The following TTC17 variants were observed in gnomAD, a reference collection of about 807,000 sequenced individuals.
TTC17 encodes the protein tetratricopeptide repeat domain 17, also known as tetratricopeptide repeat protein 17.
In TTC17, 58 loss-of-function variants were observed where a neutral mutation model predicts 143.8. The observed-to-expected ratio is 0.40, with a 90% CI of 0.33 to 0.50. TTC17 has a LOEUF of 0.50. TTC17 is among the 20% of genes least tolerant of loss of function. TTC17 has a pLI of 0.49. For synonymous variants in TTC17, 501 were observed against 497.8 expected (o/e 1.01, Z -0.09); for missense variants, 1,273 against 1,392.5 (o/e 0.91, Z 1.37).
chr11:43,379,635 T>A (rs143710038), intron 2 of TTC17, among the ~76,000 whole-genome samples: 2 of 152,228 alleles, frequency 1.3e-5, no homozygotes, highest in South Asian at 4.1e-4. Context: ...GAAAATGATA[T>A]AATCTCTGAA....
intron 16 of TTC17, among the ~76,000 whole-genome samples, chr11:43,433,055 C>T (rs769467328): frequency 6.6e-6 from 1 of 152,010 alleles, no homozygotes; most frequent in African/African-American, 2.4e-5. Flanking sequence ...GGCTGGAGTG[C>T]GGTGGCGCAG....
chr11:43,376,339 C>T (rs1278685926), intron 1 of TTC17, among the ~76,000 whole-genome samples: 2 of 152,180 alleles, frequency 1.3e-5, no homozygotes, highest in East Asian at 3.9e-4. Flanking sequence ...TTTCCAGATA[C>T]TTGATCAGGT....
chr11:43,396,972 A>T (rs1448331100), intron 6 of TTC17, 154 bp downstream of exon 6: 1 of 483,998 alleles, frequency 2.1e-6, no homozygotes, highest in East Asian at 3.1e-5. Context: ...AAAAAAAAAA[A>T]ATCACAGATC....
At chr11:43,437,402 C>A (rs1045189719) in intron 16 of TTC17, among the ~76,000 whole-genome samples, 5 of 152,108 alleles carry the variant, frequency 3.3e-5, no homozygotes, top group Non-Finnish European at 5.9e-5. Flanking sequence ...CTCTCTAAAT[C>A]TAGTCTTTTA....
intron 21 of TTC17, among the ~76,000 whole-genome samples, chr11:43,463,337 A>G (rs1196861960): frequency 6.6e-6 from 1 of 152,244 alleles, no homozygotes; most frequent in Non-Finnish European, 1.5e-5. Context: ...TAGCATGGAA[A>G]TGGATATTGA....
In TTC17 at chr11:43,358,966, A is replaced by G. The variant is rs1855974042; in HGVS notation, c.12A>G (p.Ala4=). The G allele has an allele frequency of 1.3e-6, 2 of 1,577,642 alleles. No homozygotes were observed. Among genetic ancestry groups the G allele is most frequent in the Non-Finnish European group, 1.7e-6 (2 of 1,162,752 alleles). Residue 4 remains alanine (A), a synonymous_variant, in exon 1 of 24, where the codon GCA becomes GCG. Transcript: ENST00000039989. ...GCCGGGGGGGCAAGATGGCGGCGGC[A>G]GTAGGGGTTCGTGGCCGGTACGAGC... MAA[A]VGVRGRYELP...
In TTC17 at chr11:43,444,179, G is replaced by A; in HGVS notation, c.2635G>A (p.Gly879Ser). 1 of 1,611,848 alleles carries A rather than the reference G, an allele frequency of 6.2e-7. No homozygotes were observed. The highest frequency in any genetic ancestry group is 1.1e-5 in the South Asian group (1 of 90,448). ...HRYQANLEITGPKVASPGPQG... is the reference protein window; with the variant it reads ...HRYQANLEITSPKVASPGPQG... ...TTACCAAGCAAACCTAGAGATCACT[G>A]GCCCCAAGGTGGCATCTCCTGGGCC... The change falls in exon 18 of 24, where the codon GGC becomes AGC. Residue 879 changes from glycine (G) to serine (S), a missense_variant. Around this residue, in one of 3 missense-constraint regions of TTC17, gnomAD observed 878 missense variants for 899.8 expected, o/e 0.98. Coordinates refer to ENST00000039989, the MANE Select transcript of TTC17 (RefSeq NM_018259.6).
rs1179320252 is a variant in TTC17, at chr11:43,457,475, G to A, written c.3030+6210G>A. 3.3e-5 allele frequency among the ~76,000 whole-genome samples: 5 copies of A among 151,856 alleles called. No individual in the cohort carries two copies. The East Asian group carries it at 9.7e-4, about 29-fold the overall frequency. ...GCAAGAATGTATGGTTGATAATAAGGCAAAGTGCAGACAATAGGAGTAGAT... is the reference window on the plus strand; with the variant it reads ...GCAAGAATGTATGGTTGATAATAAGACAAAGTGCAGACAATAGGAGTAGAT... On this transcript the variant is annotated intron_variant, in intron 21 of 23. Coordinates refer to ENST00000039989, the MANE Select transcript of TTC17 (RefSeq NM_018259.6).
chr11:43,398,845 C>T (rs948731657), intron 8 of TTC17, among the ~76,000 whole-genome samples: 3 of 152,100 alleles, frequency 2.0e-5, no homozygotes, highest in African/African-American at 4.8e-5. Flanking sequence ...GCTTCTTTTC[C>T]AATCTTTTTA....
At chr11:43,374,484 A>T (rs560556249) in intron 1 of TTC17, among the ~76,000 whole-genome samples, 397 of 152,204 alleles carry the variant, frequency 2.6e-3, no homozygotes, top group Non-Finnish European at 3.6e-3. Context: ...GAGTAAACCT[A>T]TAGAATGGGA....
chr11:43,439,528 C>T (rs1038530197), intron 16 of TTC17, among the ~76,000 whole-genome samples: 11 of 147,162 alleles, frequency 7.5e-5, no homozygotes, highest in South Asian at 4.3e-4. Context: ...AGTACAGTGG[C>T]GCAATCTCAG....
intron 21 of TTC17, among the ~76,000 whole-genome samples, chr11:43,479,239 C>CAAAAA (rs1456256911): frequency 4.1e-5 from 6 of 147,146 alleles, no homozygotes; most frequent in Non-Finnish European, 6.0e-5. Flanking sequence ...GACTCCATCT[C>CAAAAA]AAAAAAAGAA....
At position 43,459,276 on chromosome 11, in the gene TTC17, A is replaced by G. The variant is rs995119866; in HGVS notation, c.3030+8011A>G. 1.8e-4 allele frequency among the ~76,000 whole-genome samples: 27 copies of G among 152,284 alleles called. No individual in the cohort carries two copies. In the South Asian group the frequency reaches 2.7e-3, roughly 15 times the overall value. ...AAATCCATCTGCCTATATGTCACCA[A>G]TTCCCCCAATTCCAGGGGTAGGGAA... On this transcript the variant is annotated intron_variant, in intron 21 of 23. Coordinates refer to ENST00000039989, the MANE Select transcript of TTC17 (RefSeq NM_018259.6).
intron 21 of TTC17, among the ~76,000 whole-genome samples, chr11:43,472,999 A>G (rs1189389233): frequency 6.6e-6 from 1 of 151,886 alleles, no homozygotes; most frequent in Non-Finnish European, 1.5e-5. Context: ...ACATGATGAA[A>G]CCCCATCTCT....
intron 3 of TTC17, 115 bp from the exon 4 acceptor site, chr11:43,391,339 CAGTGAGCTGTG>C (rs1857377302): frequency 1.6e-6 from 1 of 639,160 alleles, no homozygotes; most frequent in Non-Finnish European, 2.7e-6. Context: ...ATCAAGGCTG[CAGTGAGCTGTG>C]ATCATGCCAC....
chr11:43,455,386 T>C (rs938978687), intron 21 of TTC17, among the ~76,000 whole-genome samples: 29 of 151,926 alleles, frequency 1.9e-4, no homozygotes, highest in African/African-American at 6.8e-4. Context: ...GCATTAATTA[T>C]ACAGAAAATC....
chr11:43,428,206 C>A (rs1947072944), intron 16 of TTC17, among the ~76,000 whole-genome samples: 3 of 152,140 alleles, frequency 2.0e-5, no homozygotes, highest in Admixed American at 2.0e-4. Flanking sequence ...TGAAAACTAA[C>A]ACCTATGAGT....
intron 21 of TTC17, among the ~76,000 whole-genome samples, chr11:43,483,876 T>C (rs773525080): frequency 6.6e-6 from 1 of 152,206 alleles, no homozygotes; most frequent in Admixed American, 6.5e-5. Flanking sequence ...GCGCAGTGGC[T>C]CACGCCTGTA....
chr11:43,397,902 GTGT>G, intron 7 of TTC17, 69 bp from the exon 8 acceptor site: 7 of 40,682 alleles, frequency 1.7e-4, no homozygotes, highest in Middle Eastern at 9.4e-3. Context: ...TTTTTTTTCC[GTGT>G]GTGTGTGTGT....
Sources: allele counts gnomAD v4.1 joint callset (sites outside exome capture counted in the v4.1 genomes callset), GRCh38; gene constraint gnomAD v4.1.1; regional missense constraint gnomAD v4.1.1; transcripts MANE v1.5; gene names NCBI Gene and HGNC (gene_info 2026-07-23, HGNC 2026-07-21).